The following CFAP300 variants were observed in gnomAD, a reference collection of about 807,000 sequenced individuals.
CFAP300 encodes the protein cilia and flagella associated protein 300, also known as cilia- and flagella-associated protein 300.
CFAP300 carries 32 observed loss-of-function variants against 33.0 expected under a neutral mutation model. The observed-to-expected ratio is 0.97, with a 90% CI of 0.73 to 1.30. The LOEUF (loss-of-function observed/expected upper bound fraction) is 1.30. Ranked by LOEUF, CFAP300 falls within the 50% of genes most tolerant of loss-of-function variation. CFAP300 has a pLI of 0.00. For synonymous variants in CFAP300, 102 were observed against 106.8 expected, an observed-to-expected ratio of 0.95 and a Z score of 0.28; for missense variants, 356 against 318.1, an observed-to-expected ratio of 1.12 and a Z score of -0.90.
chr11:102,071,704 G>A (rs1020857540), intron 4 of CFAP300, among the ~76,000 whole-genome samples: 2 of 152,068 alleles, frequency 1.3e-5, no homozygotes, highest in Non-Finnish European at 2.9e-5. Flanking sequence ...TTTTATTTAT[G>A]AAGGATAATT....
intron 5 of CFAP300, among the ~76,000 whole-genome samples, chr11:102,077,111 C>T (rs984687862): frequency 4.6e-5 from 7 of 152,142 alleles, no homozygotes; most frequent in African/African-American, 1.7e-4. Context: ...CGCACTCATG[C>T]ACGTACACAC....
At chr11:102,059,084 C>T (rs1942102137) in intron 3 of CFAP300, 129 bp downstream of exon 3, 3 of 561,414 alleles carry the variant, frequency 5.3e-6, no homozygotes, top group East Asian at 3.1e-5. Flanking sequence ...TCAAATATGA[C>T]CAGCTGTGCC....
intron 2 of CFAP300, among the ~76,000 whole-genome samples, chr11:102,049,168 G>A (rs368027891): frequency 6.6e-4 from 100 of 152,338 alleles, no homozygotes; most frequent in African/African-American, 2.2e-3. Flanking sequence ...CTTAAATCAA[G>A]GTGCTGGCAG....
intron 3 of CFAP300, among the ~76,000 whole-genome samples, chr11:102,066,280 A>G (rs1025876318): frequency 2.0e-5 from 3 of 152,246 alleles, no homozygotes; most frequent in African/African-American, 4.8e-5. Context: ...TGACCTTGTT[A>G]TAAACTCTTA....
chr11:102,059,007 T>G, intron 3 of CFAP300, 52 bp downstream of exon 3: 1 of 1,130,918 alleles, frequency 8.8e-7, no homozygotes, highest in Non-Finnish European at 1.3e-6. Flanking sequence ...ATAAGAAAAT[T>G]TTGCCTCAGG....
In CFAP300 at chr11:102,047,744, G is replaced by T. The variant is rs555655551; in HGVS notation, c.111-71G>T. The T allele has an allele frequency of 3.9e-6, 6 of 1,555,116 alleles. No homozygotes were observed. In the East Asian group the frequency reaches 1.1e-4, roughly 30 times the overall value. On this transcript the variant is annotated intron_variant, in intron 1 of 6. Coordinates refer to ENST00000434758, the MANE Select transcript of CFAP300 (RefSeq NM_032930.3). ...CCCGGGAAGGGCGGATGCTGTGGGT[G>T]GGATCGGTTATCGGTGCGCTCTGAG... is the stretch of plus-strand genomic sequence containing the variant.
intron 2 of CFAP300, among the ~76,000 whole-genome samples, chr11:102,054,981 T>G (rs193161769): frequency 1.6e-4 from 20 of 122,894 alleles, no homozygotes; most frequent in Admixed American, 1.3e-3. Context: ...TAGTTTGATA[T>G]TCTTTTTTTT....
At chr11:102,073,905 C>T (rs1221746332) in intron 4 of CFAP300, among the ~76,000 whole-genome samples, 2 of 152,126 alleles carry the variant, frequency 1.3e-5, no homozygotes, top group African/African-American at 2.4e-5. Context: ...CATGCAAGTG[C>T]GTGGTAGACC....
rs1450663573 is a variant in CFAP300, at chr11:102,084,312, A to C, written c.*1113A>C. 1 of 152,230 alleles carries C rather than the reference A, an allele frequency of 6.6e-6. No homozygotes were observed. The highest frequency in any genetic ancestry group is 6.5e-5 in the Admixed American group (1 of 15,284). 9.4% of individuals were successfully genotyped at this position (152,230 alleles called of 1,614,324 possible). A position where few individuals can be genotyped will look rare whatever the true frequency, so the allele number is the denominator to read the frequency against. On this transcript the variant is annotated 3_prime_UTR_variant, in exon 7 of 7. Transcript: ENST00000434758. ...GAAATGTTGAGGTTTGAGGAGGAGC[A>C]AGTTTGAAAGATGTGTTTCTGTGTT...
intron 2 of CFAP300, among the ~76,000 whole-genome samples, chr11:102,052,266 T>C (rs1372551687): frequency 6.6e-6 from 1 of 152,242 alleles, no homozygotes; most frequent in Non-Finnish European, 1.5e-5. Context: ...TTACTAAATC[T>C]GAATTAAATT....
In CFAP300 at chr11:102,083,070, G is replaced by T; in HGVS notation, c.676-1G>T. The T allele has an allele frequency of 7.1e-7, 1 of 1,404,070 alleles. No homozygotes were observed. Among genetic ancestry groups the T allele is most frequent in the South Asian group, 2.1e-5 (1 of 48,748 alleles). 87.0% of individuals were successfully genotyped at this position (1,404,070 alleles called of 1,614,324 possible). A position where few individuals can be genotyped will look rare whatever the true frequency, so the allele number is the denominator to read the frequency against. On this transcript the variant is annotated splice_acceptor_variant, in intron 6 of 6. Coordinates refer to ENST00000434758, the MANE Select transcript of CFAP300 (RefSeq NM_032930.3). LOFTEE classifies it high-confidence loss of function. The stretch of plus-strand genomic sequence containing the variant: ...TAATAATTTAGGTTTGTCTTTTTCA[G>T]GATTCTGCTGGTATGTGCTATCCTT...
intron 4 of CFAP300, among the ~76,000 whole-genome samples, chr11:102,074,023 C>CAGTGT (rs1942358992): frequency 2.0e-5 from 3 of 152,150 alleles, no homozygotes; most frequent in African/African-American, 7.2e-5. Flanking sequence ...AGGGCAGCCT[C>CAGTGT]CTCAGTGTAC....
Position 102,047,872 on chromosome 11 carries a change from C to T in CFAP300, c.168C>T (p.Ser56=), listed in dbSNP as rs73593065. Residue 56 remains serine (S), a synonymous_variant, in exon 2 of 7, where the codon TCC becomes TCT. Coordinates refer to ENST00000434758, the MANE Select transcript of CFAP300 (RefSeq NM_032930.3). ...QAFGFDQTFQ[S]YRKDDFVMAF... ...TCGGCTTTGACCAGACCTTTCAGTC[C>T]TATCGGAAGGATGATTTCGTTATGG... 2,426 of 1,614,200 alleles carry T rather than the reference C, an allele frequency of 1.5e-3. 39 individuals carry two copies. In the African/African-American group the frequency reaches 0.028, roughly 18 times the overall value.
At chr11:102,057,301 T>C (rs1942074562) in intron 2 of CFAP300, among the ~76,000 whole-genome samples, 2 of 147,988 alleles carry the variant, frequency 1.4e-5, no homozygotes, top group East Asian at 2.0e-4. Context: ...ATCGCACCAC[T>C]GCACTCCATC....
At chr11:102,072,081 C>A (rs1942321611) in intron 4 of CFAP300, among the ~76,000 whole-genome samples, 1 of 151,776 alleles carries the variant, frequency 6.6e-6, no homozygotes, top group African/African-American at 2.4e-5. Flanking sequence ...TTTTTTTATG[C>A]CTTTGGGCTT....
rs947470635 is a variant in CFAP300, at chr11:102,083,610, C to T, written c.*411C>T. On this transcript the variant is annotated 3_prime_UTR_variant, in exon 7 of 7. Transcript: ENST00000434758. The stretch of plus-strand genomic sequence containing the variant: ...TAATATGAATTGTTAGTTTATTTAA[C>T]TTGTTTCATTTAATTACATTTCTTC... The T allele has an allele frequency of 7.2e-5, 11 of 152,566 alleles. No individual in the cohort carries two copies. The highest frequency in any genetic ancestry group is 2.7e-4 in the African/African-American group (11 of 41,452). The allele number at this position is 152,566 out of a possible 1,614,324, so 9.5% of individuals were successfully genotyped here. A position where few individuals can be genotyped will look rare whatever the true frequency, so the allele number is the denominator to read the frequency against.
intron 4 of CFAP300, among the ~76,000 whole-genome samples, chr11:102,074,174 C>T (rs1026820086): frequency 8.2e-5 from 12 of 146,814 alleles, no homozygotes; most frequent in Non-Finnish European, 1.5e-4. Context: ...GAGTTGGATT[C>T]TCAAAATGGT....
intron 3 of CFAP300, among the ~76,000 whole-genome samples, chr11:102,062,472 G>A (rs1942161929): frequency 6.6e-6 from 1 of 152,132 alleles, no homozygotes; most frequent in African/African-American, 2.4e-5. Context: ...ATATGTTATT[G>A]GAAACTGGGG....
chr11:102,058,886 T>A lies in CFAP300; in HGVS notation c.199T>A (p.Phe67Ile). The A allele has an allele frequency of 6.3e-7, 1 of 1,575,640 alleles. No homozygotes were observed. Among genetic ancestry groups the A allele is most frequent in the Admixed American group, 1.9e-5 (1 of 53,956 alleles). ...YRKDDFVMAF[F>I]KDPNVIPNLK... ...CCTCAAATTTGTATTTTAGGCTTTT[T>A]TCAAAGACCCAAATGTTATTCCCAA... The change falls in exon 3 of 7, where the codon TTC becomes ATC. Residue 67 changes from phenylalanine to isoleucine, a missense_variant. Transcript: ENST00000434758.
Sources: gnomAD v4.1 joint callset for allele counts (sites outside exome capture counted in the v4.1 genomes callset) on GRCh38, gnomAD v4.1.1 for gene constraint, MANE v1.5 for transcripts, NCBI Gene and HGNC (gene_info 2026-07-23, HGNC 2026-07-21) for gene names.